The following SLIT3 variants were observed in gnomAD, a reference collection of about 807,000 sequenced individuals.
The protein encoded by SLIT3 is slit homolog 3 protein.
A neutral mutation model predicts 184.0 loss-of-function variants in SLIT3; 68 were observed. That is an observed-to-expected ratio of 0.37 (90% CI 0.30 to 0.45). The LOEUF is 0.45. SLIT3 is among the 20% of genes least tolerant of loss of function. The pLI, the probability that SLIT3 is intolerant of heterozygous loss-of-function variation, is 1.00. For missense variants in SLIT3, 1,707 were observed against 2,026.0 expected (o/e 0.84, Z 3.02); for synonymous variants, 831 against 828.6 (o/e 1.00, Z -0.05).
At chr5:168,826,535 G>A (rs765942372) in intron 6 of SLIT3, among the ~76,000 whole-genome samples, 4 of 152,296 alleles carry the variant, frequency 2.6e-5, no homozygotes, top group Non-Finnish European at 5.9e-5. Context: ...CATGGACCTC[G>A]AAGGCAGAGA....
At chr5:169,114,752 C>T (rs1760586555) in intron 4 of SLIT3, among the ~76,000 whole-genome samples, 1 of 152,234 alleles carries the variant, frequency 6.6e-6, no homozygotes, top group Admixed American at 6.5e-5. Flanking sequence ...TGGAGGCCTG[C>T]TCTCACCACC....
chr5:168,936,028 T>C (rs984196748), intron 4 of SLIT3, among the ~76,000 whole-genome samples: 3 of 152,180 alleles, frequency 2.0e-5, no homozygotes, highest in Non-Finnish European at 4.4e-5. Flanking sequence ...ATCCCATAGT[T>C]GTAATTAGTT....
Position 168,802,378 on chromosome 5 carries a change from T to C in SLIT3, c.935+4068A>G, listed in dbSNP as rs555953142. Among the ~76,000 whole-genome samples the C allele has an allele frequency of 2.6e-5, 4 of 152,222 alleles. No homozygotes were observed. In the South Asian group the frequency reaches 8.3e-4, roughly 32 times the overall value. ...ACCTGCTCTCAAGTTCTCTCTTACATGTCACCTCTCGAACTGCCCTATCCA... is the reference window on the plus strand; with the variant it reads ...ACCTGCTCTCAAGTTCTCTCTTACACGTCACCTCTCGAACTGCCCTATCCA... On this transcript the variant is annotated intron_variant, in intron 9 of 35. Transcript: ENST00000519560.
At position 168,666,132 on chromosome 5, in the gene SLIT3, A is replaced by AT. The variant is rs200161330; in HGVS notation, c.*321dup. 6 of 193,178 alleles carry AT rather than the reference A, an allele frequency of 3.1e-5. No individual in the cohort carries two copies. Among genetic ancestry groups the AT allele is most frequent in the Non-Finnish European group, 4.1e-5 (4 of 96,644 alleles). The allele number at this position is 193,178 out of a possible 1,614,324, so 12.0% of individuals were successfully genotyped here. On this transcript the variant is annotated 3_prime_UTR_variant, in exon 36 of 36. Coordinates refer to ENST00000519560, the MANE Select transcript of SLIT3 (RefSeq NM_003062.4). ...TGTTTTAAAGCATTTTTATTAGTCT[A>AT]TTTTTTTCTTAAATTTTTAAACAGC...
At chr5:169,136,331 G>T (rs1003097481) in intron 4 of SLIT3, among the ~76,000 whole-genome samples, 2 of 152,158 alleles carry the variant, frequency 1.3e-5, no homozygotes, top group African/African-American at 4.8e-5. Flanking sequence ...CTGCTACCCT[G>T]CCCATTAAAG....
At chr5:169,244,826 C>A (rs1226453670) in intron 2 of SLIT3, 50 bp from the exon 3 acceptor site, 1 of 1,514,786 alleles carries the variant, frequency 6.6e-7, no homozygotes, top group Admixed American at 1.7e-5. Flanking sequence ...GGCTCAGGGA[C>A]CCTCATACTA....
intron 4 of SLIT3, among the ~76,000 whole-genome samples, chr5:169,006,935 C>T (rs959658437): frequency 6.6e-6 from 1 of 151,926 alleles, no homozygotes; most frequent in Non-Finnish European, 1.5e-5. Flanking sequence ...GCCCTGCCCA[C>T]CCCACCCCCC....
intron 5 of SLIT3, among the ~76,000 whole-genome samples, chr5:168,871,419 T>C (rs1759514112): frequency 6.6e-6 from 1 of 152,070 alleles, no homozygotes; most frequent in African/African-American, 2.4e-5. Context: ...GAGCTGGGAC[T>C]CCTCAGTTCT....
At chr5:168,681,360 A>G (rs1487818801) in intron 32 of SLIT3, among the ~76,000 whole-genome samples, 2 of 152,196 alleles carry the variant, frequency 1.3e-5, no homozygotes, top group Non-Finnish European at 2.9e-5. Flanking sequence ...TAGATGTGGA[A>G]TGAGTGAGAG....
intron 4 of SLIT3, among the ~76,000 whole-genome samples, chr5:168,940,346 C>G (rs948830936): frequency 6.6e-5 from 10 of 152,008 alleles, no homozygotes; most frequent in Non-Finnish European, 1.2e-4. Flanking sequence ...GTGGTGATTC[C>G]AGAGAAAGAA....
chr5:169,030,773 C>G (rs1182470750), intron 4 of SLIT3, among the ~76,000 whole-genome samples: 1 of 152,112 alleles, frequency 6.6e-6, no homozygotes, highest in Non-Finnish European at 1.5e-5. Context: ...GGAGGATAAA[C>G]AATATTACAT....
chr5:168,878,719 T>A (rs1281172105), intron 5 of SLIT3, among the ~76,000 whole-genome samples: 3 of 132,102 alleles, frequency 2.3e-5, no homozygotes, highest in African/African-American at 6.4e-5. Context: ...GTTTCTTCCT[T>A]TTTTTTTTTT....
chr5:168,761,748 T>C (rs544110472), intron 15 of SLIT3, among the ~76,000 whole-genome samples: 77 of 152,062 alleles, frequency 5.1e-4, no homozygotes, highest in African/African-American at 1.8e-3. Flanking sequence ...AAAAAAATTT[T>C]TTTTTCCAGA....
intron 4 of SLIT3, among the ~76,000 whole-genome samples, chr5:169,079,135 C>G (rs61117368): frequency 0.038 from 5,819 of 152,160 alleles, 358 homozygotes; most frequent in East Asian, 0.23. Flanking sequence ...CTCATCCTGC[C>G]GTATCTCAAG....
chr5:169,130,279 A>G (rs1376878204), intron 4 of SLIT3, among the ~76,000 whole-genome samples: 1 of 152,248 alleles, frequency 6.6e-6, no homozygotes, highest in East Asian at 1.9e-4. Context: ...ATTCCAAAAT[A>G]AAAAGCATAT....
At chr5:168,903,180 C>A (rs1308805567) in intron 4 of SLIT3, among the ~76,000 whole-genome samples, 3 of 152,156 alleles carry the variant, frequency 2.0e-5, no homozygotes, top group Admixed American at 2.0e-4. Context: ...ATTTAAAAAG[C>A]CACAGACTGG....
chr5:168,815,245 A>G (rs12656278), intron 8 of SLIT3, among the ~76,000 whole-genome samples: 19,658 of 152,220 alleles, frequency 0.13, 1,675 homozygotes, highest in East Asian at 0.29. Flanking sequence ...AGAGTGAGGC[A>G]TTCAGATTTA....
intron 4 of SLIT3, among the ~76,000 whole-genome samples, chr5:169,173,910 T>G (rs1404921383): frequency 6.6e-6 from 1 of 152,168 alleles, no homozygotes; most frequent in Non-Finnish European, 1.5e-5. Flanking sequence ...TGATGCACAC[T>G]CAGCTCATCC....
intron 4 of SLIT3, among the ~76,000 whole-genome samples, chr5:169,097,573 T>G (rs1196499817): frequency 6.6e-6 from 1 of 152,230 alleles, no homozygotes; most frequent in Non-Finnish European, 1.5e-5. Context: ...TTTGGAGAAC[T>G]GTTAAAACTA....
Sources: gnomAD v4.1 joint callset for allele counts (sites outside exome capture counted in the v4.1 genomes callset) on GRCh38, gnomAD v4.1.1 for gene constraint, MANE v1.5 for transcripts, NCBI Gene and HGNC (gene_info 2026-07-23, HGNC 2026-07-21) for gene names.